ERCC8: variants seen among roughly 807,000 people sequenced by gnomAD.
The protein encoded by ERCC8 is DNA excision repair protein ERCC-8.
A neutral mutation model predicts 54.9 loss-of-function variants in ERCC8; 52 were observed. The ratio of observed to expected loss-of-function variants is 0.95; its 90% CI spans 0.76 to 1.19. The LOEUF (loss-of-function observed/expected upper bound fraction) is 1.19. Among genes scored for constraint, ERCC8 ranks in the 50% most tolerant of loss-of-function variants. The pLI is 0.00. For missense variants in ERCC8, 514 were observed against 466.1 expected, an observed-to-expected ratio of 1.10 and a Z score of -0.95; for synonymous variants, 146 against 157.2, an observed-to-expected ratio of 0.93 and a Z score of 0.53.
chr5:60,880,936 T>C (rs1748196917), intron 11 of ERCC8, among the ~76,000 whole-genome samples: 1 of 152,098 alleles, frequency 6.6e-6, no homozygotes, highest in African/African-American at 2.4e-5. Flanking sequence ...GGAGGAGAGG[T>C]GCTCTGACTT....
At chr5:60,930,503 G>A (rs1215739954) in intron 1 of ERCC8, among the ~76,000 whole-genome samples, 1 of 151,530 alleles carries the variant, frequency 6.6e-6, no homozygotes, top group Non-Finnish European at 1.5e-5. Flanking sequence ...GTTGCAGTAA[G>A]CCGAGATCAC....
At position 60,891,055 on chromosome 5, in the gene ERCC8, T is replaced by C; in HGVS notation, c.875A>G (p.Lys292Arg). The C allele has an allele frequency of 6.2e-7, 1 of 1,612,342 alleles. No individual in the cohort carries two copies. Among genetic ancestry groups the C allele is most frequent in the South Asian group, 1.1e-5 (1 of 91,018 alleles). The change falls in exon 10 of 12, where the codon AAA becomes AGA. Residue 292 changes from lysine to arginine, a missense_variant. By Grantham distance (26) the Lys-to-Arg change is conservative (BLOSUM62 2). Transcript: ENST00000676185. Reference protein sequence around the residue: ...VNYGKVCNNSKKGLKFTVSCG... With the variant: ...VNYGKVCNNSRKGLKFTVSCG... ...GGAGACAGTGAATTTCAATCCTTTT[T>C]TACTGTTATTACAAACTTTTCCATA...
At chr5:60,897,058 G>A (rs1412609764) in intron 9 of ERCC8, among the ~76,000 whole-genome samples, 1 of 152,012 alleles carries the variant, frequency 6.6e-6, no homozygotes, top group African/African-American at 2.4e-5. Context: ...ATATTCCAAC[G>A]CAAGAACCTC....
intron 1 of ERCC8, among the ~76,000 whole-genome samples, chr5:60,943,658 A>G (rs1750330861): frequency 6.6e-6 from 1 of 152,232 alleles, no homozygotes; most frequent in African/African-American, 2.4e-5. Context: ...GAAGAGTGAT[A>G]ATACTAGAAG....
At chr5:60,880,268 A>G (rs1748166556) in intron 11 of ERCC8, among the ~76,000 whole-genome samples, 1 of 152,096 alleles carries the variant, frequency 6.6e-6, no homozygotes, top group African/African-American at 2.4e-5. Flanking sequence ...TTTGTGGGTA[A>G]CCCGACCTTT....
intron 3 of ERCC8, 111 bp from the exon 4 acceptor site, chr5:60,918,499 C>T (rs912518157): frequency 1.4e-5 from 12 of 884,226 alleles, no homozygotes; most frequent in South Asian, 5.5e-5. Flanking sequence ...ATGGCCAAAC[C>T]GAGATCACAT....
rs1198087739 is a variant in ERCC8, at chr5:60,867,047, A to G, written c.*7568T>C. The G allele has an allele frequency of 6.6e-6, 1 of 152,010 alleles. No homozygotes were observed. The highest frequency in any genetic ancestry group is 2.4e-5 in the African/African-American group (1 of 41,378). 9.4% of individuals were successfully genotyped at this position (152,010 alleles called of 1,614,324 possible). On this transcript the variant is annotated 3_prime_UTR_variant, in exon 12 of 12. Coordinates refer to ENST00000676185, the MANE Select transcript of ERCC8 (RefSeq NM_000082.4). ...AAGACGGGGTTTCACCATGTTAGCCAGGATGGTCTCGATCTCCTGACCTCG... is the reference window on the plus strand; with the variant it reads ...AAGACGGGGTTTCACCATGTTAGCCGGGATGGTCTCGATCTCCTGACCTCG...
intron 10 of ERCC8, among the ~76,000 whole-genome samples, chr5:60,888,396 AAGAT>A (rs1342693906): frequency 6.6e-6 from 1 of 152,202 alleles, no homozygotes; most frequent in Non-Finnish European, 1.5e-5. Flanking sequence ...GGCTGATGCA[AAGAT>A]ATATATGTTC....
intron 1 of ERCC8, among the ~76,000 whole-genome samples, chr5:60,938,038 TACATAC>T (rs1432614837): frequency 0.01 from 180 of 17,842 alleles, no homozygotes; most frequent in African/African-American, 0.025. Flanking sequence ...CATACATACA[TACATAC>T]ATACATATAT....
chr5:60,924,296 A>G (rs1019699428), intron 2 of ERCC8: 7 of 152,752 alleles, frequency 4.6e-5, no homozygotes, highest in African/African-American at 1.7e-4. Context: ...CTCACCGTCA[A>G]TCCTTAAGTT....
intron 11 of ERCC8, among the ~76,000 whole-genome samples, chr5:60,877,255 C>T (rs1748041364): frequency 6.6e-6 from 1 of 152,128 alleles, no homozygotes; most frequent in South Asian, 2.1e-4. Flanking sequence ...GTTTTGGTAC[C>T]AGTACCGTGC....
At chr5:60,889,283 C>T (rs1248370023) in intron 10 of ERCC8, among the ~76,000 whole-genome samples, 1 of 152,040 alleles carries the variant, frequency 6.6e-6, no homozygotes, top group Non-Finnish European at 1.5e-5. Flanking sequence ...TATCTCATTC[C>T]TCATCAAATT....
intron 11 of ERCC8, among the ~76,000 whole-genome samples, chr5:60,878,247 T>A (rs997220432): frequency 3.3e-5 from 5 of 152,244 alleles, no homozygotes; most frequent in African/African-American, 1.2e-4. Flanking sequence ...GATAAGCTTT[T>A]TGATGTGCTG....
In ERCC8 at chr5:60,871,793, G is replaced by A. The variant is rs1234804845; in HGVS notation, c.*2822C>T. On this transcript the variant is annotated 3_prime_UTR_variant, in exon 12 of 12. Transcript: ENST00000676185. Reference sequence around the variant, plus strand: ...TAAAAATAAATTTCCAATTTTAATAGCTTTTCTTTTCTTTTTCTTTTGGGA... The same window carrying A: ...TAAAAATAAATTTCCAATTTTAATAACTTTTCTTTTCTTTTTCTTTTGGGA... Among the ~76,000 whole-genome samples, 1 of 151,962 alleles carries A rather than the reference G, an allele frequency of 6.6e-6. No individual in the cohort carries two copies. The highest frequency in any genetic ancestry group is 2.1e-4 in the South Asian group (1 of 4,818).
chr5:60,876,707 G>A lies in ERCC8; in HGVS notation c.1123-2024C>T, dbSNP rs547190085. On this transcript the variant is annotated intron_variant, in intron 11 of 11. Coordinates refer to ENST00000676185, the MANE Select transcript of ERCC8 (RefSeq NM_000082.4). ...TGAGAAGTGTTTGTTCATATCCTTC[G>A]TCCACTTTTTGATGGGGTTGTTTGT... Among the ~76,000 whole-genome samples the A allele has an allele frequency of 1.8e-3, 275 of 152,188 alleles. 1 individual carries two copies. Among genetic ancestry groups the A allele is most frequent in the Non-Finnish European group, 3.1e-3 (214 of 68,028 alleles).
Position 60,904,780 on chromosome 5 carries a change from A to C in ERCC8, c.481+12T>G, listed in dbSNP as rs1419034213. 6 of 1,540,450 alleles carry C rather than the reference A, an allele frequency of 3.9e-6. No homozygotes were observed. In the South Asian group the frequency reaches 6.8e-5, roughly 17 times the overall value. On this transcript the variant is annotated intron_variant, in intron 5 of 11. Coordinates refer to ENST00000676185, the MANE Select transcript of ERCC8 (RefSeq NM_000082.4). ...TCAGTATGTCAAAAGACAAAAGAATACACTTACAAACCTGCTACCAAACAG... is the reference window on the plus strand; with the variant it reads ...TCAGTATGTCAAAAGACAAAAGAATCCACTTACAAACCTGCTACCAAACAG...
rs564715290 is a variant in ERCC8, at chr5:60,904,670, A to G, written c.481+122T>C. ...TATATATATATATATATATATATAT[A>G]TATATATATATATAAAATTGTGATA... is the stretch of plus-strand genomic sequence containing the variant. On this transcript the variant is annotated intron_variant, in intron 5 of 11. Transcript: ENST00000676185. 10 of 167,928 alleles carry G rather than the reference A, an allele frequency of 6.0e-5. 1 individual carries two copies. The South Asian group carries it at 6.5e-4, about 11-fold the overall frequency. 10.4% of individuals were successfully genotyped at this position (167,928 alleles called of 1,614,324 possible).
At chr5:60,926,165 C>G (rs1357866743) in intron 2 of ERCC8, among the ~76,000 whole-genome samples, 1 of 152,156 alleles carries the variant, frequency 6.6e-6, no homozygotes, top group Non-Finnish European at 1.5e-5. Flanking sequence ...CAGTTTTTGG[C>G]ACTACATTCA....
At chr5:60,885,184 G>A (rs190790649) in intron 11 of ERCC8, among the ~76,000 whole-genome samples, 1 of 151,746 alleles carries the variant, frequency 6.6e-6, no homozygotes, top group African/African-American at 2.4e-5. Flanking sequence ...GGCTAATTTT[G>A]TCTATTTTTT....
Sources: gnomAD v4.1 joint callset for allele counts (sites outside exome capture counted in the v4.1 genomes callset) on GRCh38, gnomAD v4.1.1 for gene constraint, MANE v1.5 for transcripts, NCBI Gene and HGNC (gene_info 2026-07-23, HGNC 2026-07-21) for gene names.